The following PDLIM5 variants were observed in gnomAD, a reference collection of about 807,000 sequenced individuals.
The protein encoded by PDLIM5 is PDZ and LIM domain 5, also known as PDZ and LIM domain protein 5.
A neutral mutation model predicts 64.2 loss-of-function variants in PDLIM5; 34 were observed. The ratio of observed to expected loss-of-function variants is 0.53; its 90% confidence interval spans 0.40 to 0.71. The LOEUF is 0.71. PDLIM5 is among the 30% of genes least tolerant of loss of function. The probability of loss-of-function intolerance (pLI) is 0.00; values close to 1 mark genes in which losing one functional copy is unlikely to be tolerated. For synonymous variants in PDLIM5, 253 were observed against 269.1 expected, an observed-to-expected ratio of 0.94 and a Z score of 0.59; for missense variants, 683 against 733.6, an observed-to-expected ratio of 0.93 and a Z score of 0.80.
intron 3 of PDLIM5, among the ~76,000 whole-genome samples, chr4:94,549,172 C>CATTT (rs1464593740): frequency 1.3e-5 from 2 of 152,142 alleles, no homozygotes; most frequent in East Asian, 3.8e-4. Flanking sequence ...AATTGACCTT[C>CATTT]ATTTGTGTGC....
At chr4:94,657,597 A>G in intron 11 of PDLIM5, 50 bp downstream of exon 11, 1 of 1,391,718 alleles carries the variant, frequency 7.2e-7, no homozygotes, top group Non-Finnish European at 1.0e-6. Flanking sequence ...AAGGTAAAAC[A>G]TTAACCCTTA....
In PDLIM5 at chr4:94,666,137, G is replaced by A. The variant is rs1340688519; in HGVS notation, c.*2070G>A. On this transcript the variant is annotated 3_prime_UTR_variant, in exon 13 of 13. Coordinates refer to ENST00000317968, the MANE Select transcript of PDLIM5 (RefSeq NM_006457.5). The stretch of plus-strand genomic sequence containing the variant: ...CCTTCCTGCCCCATCACTCACTTAC[G>A]ACATCACTTCCATTGTGTGCATGTT... 10 of 810,156 alleles carry A rather than the reference G, an allele frequency of 1.2e-5. No individual in the cohort carries two copies. Among genetic ancestry groups the A allele is most frequent in the South Asian group, 8.5e-5 (5 of 58,598 alleles). The allele number at this position is 810,156 out of a possible 1,614,324, so 50.2% of individuals were successfully genotyped here.
At chr4:94,572,353 C>T (rs1734877289) in intron 3 of PDLIM5, among the ~76,000 whole-genome samples, 1 of 152,126 alleles carries the variant, frequency 6.6e-6, no homozygotes, top group South Asian at 2.1e-4. Context: ...CATTTAGTTC[C>T]TGTCCATGAA....
chr4:94,641,988 A>G (rs891241899), intron 9 of PDLIM5, among the ~76,000 whole-genome samples: 8 of 152,204 alleles, frequency 5.3e-5, no homozygotes, highest in South Asian at 2.1e-4. Flanking sequence ...TATTTAAACT[A>G]ATGTAAGATC....
chr4:94,608,267 T>A (rs1181089187), intron 7 of PDLIM5: 1 of 892,136 alleles, frequency 1.1e-6, no homozygotes, highest in Non-Finnish European at 1.6e-6. Context: ...AAAATGATTG[T>A]TGATTACAGA....
intron 7 of PDLIM5, chr4:94,611,248 C>G: frequency 6.8e-7 from 1 of 1,471,524 alleles, no homozygotes; most frequent in Non-Finnish European, 9.2e-7. Flanking sequence ...GTTAAGCATA[C>G]TGCTTTCTCT....
chr4:94,494,294 C>T (rs1162098510), intron 2 of PDLIM5, among the ~76,000 whole-genome samples: 3 of 151,878 alleles, frequency 2.0e-5, no homozygotes, highest in Admixed American at 6.6e-5. Flanking sequence ...TTTCTTCATG[C>T]GCTTCTGCAT....
At chr4:94,596,888 C>G (rs1737108443) in intron 7 of PDLIM5, among the ~76,000 whole-genome samples, 1 of 152,010 alleles carries the variant, frequency 6.6e-6, no homozygotes, top group African/African-American at 2.4e-5. Context: ...TCTCATGTGT[C>G]CATGTATTCT....
chr4:94,569,356 CAG>C (rs1345882707), intron 3 of PDLIM5, among the ~76,000 whole-genome samples: 1 of 128,426 alleles, frequency 7.8e-6, no homozygotes, highest in Non-Finnish European at 1.6e-5. Flanking sequence ...TTTGTTTAGA[CAG>C]AGTCTTGCTG....
Position 94,575,886 on chromosome 4 carries a change from G to C in PDLIM5, c.562G>C (p.Asp188His). ...GCATGCTAATGCCAATCTTAGTGCT[G>C]ACCAGTCTCCATCTGCACTGAGCGC... ...GLHANANLSA[D>H]QSPSALSAGK... is the part of the protein sequence containing the mutation. Residue 188 changes from aspartate to histidine, a missense_variant, in exon 5 of 13, where the codon GAC (aspartate) becomes CAC (histidine). Transcript: ENST00000317968. 1.9e-6 allele frequency: 3 copies of C among 1,614,102 alleles called. No homozygotes were observed. Among genetic ancestry groups the C allele is most frequent in the Non-Finnish European group, 2.5e-6 (3 of 1,180,016 alleles).
intron 2 of PDLIM5, among the ~76,000 whole-genome samples, chr4:94,470,471 A>T (rs1214567058): frequency 6.6e-6 from 1 of 152,204 alleles, no homozygotes; most frequent in Non-Finnish European, 1.5e-5. Context: ...TCTAGGTCAG[A>T]TCTGTTGAGC....
At chr4:94,520,375 C>A (rs775454364) in intron 2 of PDLIM5, among the ~76,000 whole-genome samples, 1 of 152,122 alleles carries the variant, frequency 6.6e-6, no homozygotes, top group African/African-American at 2.4e-5. Context: ...TTATGGCTGC[C>A]GTGTACAAGA....
At chr4:94,624,471 AAAG>A (rs1439329612) in intron 8 of PDLIM5, among the ~76,000 whole-genome samples, 1 of 152,196 alleles carries the variant, frequency 6.6e-6, no homozygotes, top group East Asian at 1.9e-4. Flanking sequence ...AAAAAGGTGC[AAAG>A]AAGAGTCAAA....
chr4:94,642,258 C>T (rs543587099), intron 9 of PDLIM5, among the ~76,000 whole-genome samples: 3 of 152,238 alleles, frequency 2.0e-5, no homozygotes, highest in Admixed American at 6.5e-5. Flanking sequence ...GGTGAGTTAA[C>T]AAAATGTCAT....
chr4:94,579,801 A>G (rs537081502), intron 5 of PDLIM5, among the ~76,000 whole-genome samples: 1 of 152,276 alleles, frequency 6.6e-6, no homozygotes, highest in Admixed American at 6.5e-5. Flanking sequence ...AGTGCTTGGG[A>G]AAATGTAATT....
intron 3 of PDLIM5, among the ~76,000 whole-genome samples, chr4:94,559,873 G>T (rs771865449): frequency 6.6e-6 from 1 of 152,120 alleles, no homozygotes; most frequent in Non-Finnish European, 1.5e-5. Flanking sequence ...ACATGTTTTT[G>T]GCATTGGCTA....
chr4:94,470,060 G>A (rs528883504), intron 2 of PDLIM5, among the ~76,000 whole-genome samples: 10 of 149,656 alleles, frequency 6.7e-5, no homozygotes, highest in Non-Finnish European at 1.2e-4. Flanking sequence ...TCCGCCTCTC[G>A]GGTTTAAGTA....
chr4:94,626,305 CAGAT>C (rs1739691104), intron 8 of PDLIM5, among the ~76,000 whole-genome samples: 3 of 151,854 alleles, frequency 2.0e-5, no homozygotes, highest in East Asian at 1.9e-4. Context: ...TCAGTTGTAA[CAGAT>C]ATTTTTATAA....
chr4:94,607,036 C>T (rs1737984251), intron 7 of PDLIM5, among the ~76,000 whole-genome samples: 2 of 152,198 alleles, frequency 1.3e-5, no homozygotes, highest in Non-Finnish European at 2.9e-5. Context: ...TTTGCTGACC[C>T]ATGTTATGGT....
Sources: gnomAD v4.1 joint callset for allele counts (sites outside exome capture counted in the v4.1 genomes callset) on GRCh38, gnomAD v4.1.1 for gene constraint, MANE v1.5 for transcripts, NCBI Gene and HGNC (gene_info 2026-07-23, HGNC 2026-07-21) for gene names.